The following CATSPERE variants were observed in gnomAD, a reference collection of about 807,000 sequenced individuals.
CATSPERE encodes catsper channel auxiliary subunit epsilon, also known as cation channel sperm-associated auxiliary subunit epsilon.
Under a neutral mutation model 114.1 loss-of-function variants are expected in CATSPERE, and 93 were observed. The observed-to-expected ratio is 0.81, with a 90% confidence interval of 0.69 to 0.97. The LOEUF is 0.97. CATSPERE is among the 50% of genes least tolerant of loss of function. CATSPERE has a pLI of 0.00. For synonymous variants in CATSPERE, 341 were observed against 384.1 expected, an observed-to-expected ratio of 0.89 and a Z score of 1.31; for missense variants, 1,058 against 1,131.6, an observed-to-expected ratio of 0.93 and a Z score of 0.93.
chr1:244,525,039 C>A (rs1572560016), intron 8 of CATSPERE, among the ~76,000 whole-genome samples: 1 of 145,670 alleles, frequency 6.9e-6, no homozygotes, highest in South Asian at 2.1e-4. Context: ...CACATGCACA[C>A]GTATGTTTAT....
intron 7 of CATSPERE, among the ~76,000 whole-genome samples, chr1:244,511,280 C>T (rs564617844): frequency 6.6e-6 from 1 of 152,256 alleles, no homozygotes; most frequent in East Asian, 1.9e-4. Context: ...AATAGCTACT[C>T]CTGCTCACTT....
chr1:244,468,158 T>C (rs1667917864), intron 2 of CATSPERE, among the ~76,000 whole-genome samples: 1 of 151,796 alleles, frequency 6.6e-6, no homozygotes, highest in Admixed American at 6.6e-5. Context: ...CAGTGCGCAA[T>C]CTTGGCTCAC....
rs551174897 is a variant in CATSPERE at position 244,603,422 on chromosome 1, A to G, written c.2304-2273A>G. On this transcript the variant is annotated intron_variant, in intron 17 of 21. Transcript: ENST00000366534. ...CAAGGAAGAGCTGCCAACTAGTAAC[A>G]TTTCTGCATTTCTTAGGCTTAATTA... Among the ~76,000 whole-genome samples, 25 of 152,310 alleles carry G rather than the reference A, an allele frequency of 1.6e-4. No homozygotes were observed. In the South Asian group the frequency reaches 5.2e-3, roughly 32 times the overall value.
At chr1:244,629,501 A>G (rs1057107280) in intron 20 of CATSPERE, among the ~76,000 whole-genome samples, 1 of 105,178 alleles carries the variant, frequency 9.5e-6, no homozygotes, top group Non-Finnish European at 1.9e-5. Context: ...TGTCTCTCTT[A>G]CCTTTTTTTT....
rs558094135 is a variant in CATSPERE, at chr1:244,464,305, A to G, written c.114+349A>G. Reference sequence around the variant, plus strand: ...ATTAGAACTGTCTAGACAAATCAGGATGTATGGTCACCCAAACTATAGACC... The same window carrying G: ...ATTAGAACTGTCTAGACAAATCAGGGTGTATGGTCACCCAAACTATAGACC... On this transcript the variant is annotated intron_variant, in intron 2 of 21. Transcript: ENST00000366534. 5.9e-5 allele frequency among the ~76,000 whole-genome samples: 9 copies of G among 152,372 alleles called. No homozygotes were observed. The South Asian group carries it at 1.9e-3, about 32-fold the overall frequency.
At position 244,552,666 on chromosome 1, in the gene CATSPERE, G is replaced by C; in HGVS notation, c.881G>C (p.Arg294Pro). The change falls in exon 9 of 22, where the codon CGG (arginine) becomes CCG (proline). Residue 294 changes from arginine to proline, a missense_variant. Arg to Pro is a moderately radical substitution (Grantham distance 103). Around this residue, in one of 2 missense-constraint regions of CATSPERE, gnomAD observed 787 missense variants for 905.6 expected, o/e 0.87. Coordinates refer to ENST00000366534, the MANE Select transcript of CATSPERE (RefSeq NM_001130957.2). ...RRSVAHVILS[R>P]DGIVFLINGV... ...AGTGTGGCTCATGTGATCTTATCGC[G>C]GGATGGAATCGTTTTTCTTATAAAT... 1 of 1,614,018 alleles carries C rather than the reference G, an allele frequency of 6.2e-7. No homozygotes were observed. The highest frequency in any genetic ancestry group is 1.1e-5 in the South Asian group (1 of 91,076).
At chr1:244,548,349 A>G (rs889880652) in intron 8 of CATSPERE, among the ~76,000 whole-genome samples, 2 of 152,218 alleles carry the variant, frequency 1.3e-5, no homozygotes, top group African/African-American at 4.8e-5. Context: ...GGCTATGGCC[A>G]TCTCTGAGTA....
At chr1:244,580,440 C>T (rs1296730187) in intron 11 of CATSPERE, among the ~76,000 whole-genome samples, 1 of 151,996 alleles carries the variant, frequency 6.6e-6, no homozygotes, top group African/African-American at 2.4e-5. Context: ...GTCACTGTAA[C>T]TTCACGGACT....
At chr1:244,510,590 T>A (rs1451940981) in intron 7 of CATSPERE, among the ~76,000 whole-genome samples, 1 of 152,178 alleles carries the variant, frequency 6.6e-6, no homozygotes, top group Non-Finnish European at 1.5e-5. Flanking sequence ...CTGTACTTTT[T>A]ATGCAAAATG....
At chr1:244,583,830 T>A in intron 12 of CATSPERE, 34 bp from the exon 13 acceptor site, 7 of 1,594,394 alleles carry the variant, frequency 4.4e-6, no homozygotes, top group Non-Finnish European at 1.7e-6. Flanking sequence ...GTCTCTCACA[T>A]GATACAATAA....
rs1667701418 is a variant in CATSPERE, at chr1:244,591,374, T to C, written c.2139-307T>C. ...TCTGGAACTTACTCCTCCTATCTAATTGAAATTGTCTATCTTTTGAGCAAC... is the reference window on the plus strand; with the variant it reads ...TCTGGAACTTACTCCTCCTATCTAACTGAAATTGTCTATCTTTTGAGCAAC... On this transcript the variant is annotated intron_variant, in intron 14 of 21. Coordinates refer to ENST00000366534, the MANE Select transcript of CATSPERE (RefSeq NM_001130957.2). Among the ~76,000 whole-genome samples the C allele has an allele frequency of 2.6e-5, 4 of 152,218 alleles. 1 individual carries two copies. The South Asian group carries it at 8.3e-4, about 31-fold the overall frequency.
chr1:244,463,393 A>C (rs1026691467), intron 1 of CATSPERE, among the ~76,000 whole-genome samples: 1 of 152,068 alleles, frequency 6.6e-6, no homozygotes, highest in African/African-American at 2.4e-5. Flanking sequence ...TACAAAAATT[A>C]GCTGGGCGTG....
intron 8 of CATSPERE, among the ~76,000 whole-genome samples, chr1:244,548,809 C>G (rs1282642109): frequency 6.6e-6 from 1 of 152,100 alleles, no homozygotes; most frequent in East Asian, 1.9e-4. Flanking sequence ...TGAATCATGC[C>G]TAATATATGG....
At position 244,620,539 on chromosome 1, in the gene CATSPERE, G is replaced by T. The variant is rs189533502; in HGVS notation, c.2648+2853G>T. Among the ~76,000 whole-genome samples, 61 of 152,212 alleles carry T rather than the reference G, an allele frequency of 4.0e-4. 2 individuals carry two copies. Among genetic ancestry groups the T allele is most frequent in the African/African-American group, 1.4e-3 (60 of 41,520 alleles). On this transcript the variant is annotated intron_variant, in intron 20 of 21. Coordinates refer to ENST00000366534, the MANE Select transcript of CATSPERE (RefSeq NM_001130957.2). ...CACTGTAAGTTACAATAATCTCATGGTGAACCAAAAATAAAATTTTAACAA... is the reference window on the plus strand; with the variant it reads ...CACTGTAAGTTACAATAATCTCATGTTGAACCAAAAATAAAATTTTAACAA...
intron 7 of CATSPERE, among the ~76,000 whole-genome samples, chr1:244,511,599 C>T (rs1422952350): frequency 1.3e-5 from 2 of 152,058 alleles, no homozygotes; most frequent in Non-Finnish European, 1.5e-5. Flanking sequence ...GTAGTGGTAA[C>T]ATTTGACTCC....
rs1667976624 is a variant in CATSPERE, at chr1:244,593,378, G to A, written c.2190-17G>A. ...GAAAAGAGGAAAGAGAAATAATGAG[G>A]AATGTCTTTTTCACAGGTCATATCT... On this transcript the variant is annotated splice_polypyrimidine_tract_variant and intron_variant, in intron 15 of 21. Transcript: ENST00000366534. 6.2e-7 allele frequency: 1 copy of A among 1,611,140 alleles called. No homozygotes were observed. The highest frequency in any genetic ancestry group is 8.5e-7 in the Non-Finnish European group (1 of 1,179,414).
At chr1:244,626,281 T>C (rs897033980) in intron 20 of CATSPERE, among the ~76,000 whole-genome samples, 1 of 151,070 alleles carries the variant, frequency 6.6e-6, no homozygotes, top group Non-Finnish European at 1.5e-5. Context: ...GGATCAGGAG[T>C]TCGAAACCAG....
At chr1:244,479,418 G>A (rs1231586590) in intron 4 of CATSPERE, among the ~76,000 whole-genome samples, 2 of 152,124 alleles carry the variant, frequency 1.3e-5, no homozygotes, top group African/African-American at 2.4e-5. Context: ...AAAGCACTCA[G>A]TTGTAACAAC....
upstream of CATSPERE, chr1:244,451,871 C>T (rs1399820374): frequency 4.8e-6 from 7 of 1,472,642 alleles, no homozygotes; most frequent in African/African-American, 8.5e-5. The surrounding 1 kb of genome is among the most constrained non-coding windows in gnomAD (Gnocchi z 6.6). Context: ...GAGGAGTGAG[C>T]GAACTGAACT....
Sources: allele counts gnomAD v4.1 joint callset (sites outside exome capture counted in the v4.1 genomes callset), GRCh38; gene constraint gnomAD v4.1.1; regional missense constraint gnomAD v4.1.1; non-coding constraint Gnocchi (gnomAD v3.1); transcripts MANE v1.5; gene names NCBI Gene and HGNC (gene_info 2026-07-23, HGNC 2026-07-21).